Variants in SEMA5A observed in about 807,000 individuals in gnomAD.
SEMA5A encodes semaphorin-5A.
SEMA5A carries 55 observed loss-of-function variants against 135.5 expected under a neutral mutation model. That is an observed-to-expected ratio of 0.41 (90% CI 0.33 to 0.51). The LOEUF (loss-of-function observed/expected upper bound fraction) is 0.51. Ranked by LOEUF, SEMA5A falls within the 20% of genes least tolerant of loss-of-function variation. The pLI, the probability that SEMA5A is intolerant of heterozygous loss-of-function variation, is 0.37. For missense variants in SEMA5A, 1,290 were observed against 1,419.9 expected, an observed-to-expected ratio of 0.91 and a Z score of 1.47; for synonymous variants, 580 against 546.5, an observed-to-expected ratio of 1.06 and a Z score of -0.85.
intron 1 of SEMA5A, among the ~76,000 whole-genome samples, chr5:9,530,568 G>A (rs867677889): frequency 5.1e-4 from 78 of 152,240 alleles, no homozygotes; most frequent in African/African-American, 1.7e-3. Context: ...ACAAAAGGAA[G>A]AAAACAGAAT....
intron 5 of SEMA5A, among the ~76,000 whole-genome samples, chr5:9,291,205 A>T (rs1751057558): frequency 6.6e-6 from 1 of 152,190 alleles, no homozygotes; most frequent in African/African-American, 2.4e-5. Context: ...ATCAATGAGA[A>T]GTGGAGTCAC....
intron 1 of SEMA5A, among the ~76,000 whole-genome samples, chr5:9,460,533 T>A (rs976802855): frequency 6.6e-6 from 1 of 152,116 alleles, no homozygotes; most frequent in Admixed American, 6.6e-5. Flanking sequence ...CTATTAAAGA[T>A]TAAAAAAGTA....
At chr5:9,502,015 A>G (rs1735623165) in intron 1 of SEMA5A, among the ~76,000 whole-genome samples, 1 of 152,228 alleles carries the variant, frequency 6.6e-6, no homozygotes, top group African/African-American at 2.4e-5. Context: ...CCTAGAGACT[A>G]TATTCAAACT....
intron 5 of SEMA5A, among the ~76,000 whole-genome samples, chr5:9,298,740 T>C (rs1231976654): frequency 6.6e-6 from 1 of 152,254 alleles, no homozygotes; most frequent in Admixed American, 6.5e-5. Flanking sequence ...TAGATTAAGG[T>C]TCTTTTTCAA....
At chr5:9,306,439 A>T (rs6867934) in intron 5 of SEMA5A, among the ~76,000 whole-genome samples, 25,787 of 135,398 alleles carry the variant, frequency 0.19, 2,380 homozygotes, top group East Asian at 0.28. Flanking sequence ...AATAATTCAT[A>T]TAGTTCCATA....
rs140776221 is a variant in SEMA5A, at chr5:9,187,878, G to A, written c.1273+2389C>T. ...CTGAGTCCTGAGCTACTCTCAACAC[G>A]GTGTGGGGGTGAGGGTGTTGGGAGC... On this transcript the variant is annotated intron_variant, in intron 11 of 22. Transcript: ENST00000382496. 2.1e-3 allele frequency among the ~76,000 whole-genome samples: 327 copies of A among 152,316 alleles called. 6 individuals are homozygous for A. Among genetic ancestry groups the A allele is most frequent in the African/African-American group, 7.2e-3 (301 of 41,560 alleles).
chr5:9,224,972 G>A, intron 7 of SEMA5A, 85 bp from the exon 8 acceptor site: 2 of 1,294,014 alleles, frequency 1.5e-6, no homozygotes, highest in East Asian at 2.4e-5. Context: ...CATCATCACA[G>A]TGACGCTTGT....
At chr5:9,294,326 C>T (rs1017295066) in intron 5 of SEMA5A, among the ~76,000 whole-genome samples, 1 of 152,192 alleles carries the variant, frequency 6.6e-6, no homozygotes, top group African/African-American at 2.4e-5. Context: ...GACTTGCACA[C>T]AACCATGGGC....
intron 1 of SEMA5A, among the ~76,000 whole-genome samples, chr5:9,508,788 T>A (rs2031482471): frequency 6.6e-6 from 1 of 152,194 alleles, no homozygotes; most frequent in Non-Finnish European, 1.5e-5. Flanking sequence ...ACTACCCATC[T>A]TCTTTGGCAC....
intron 2 of SEMA5A, among the ~76,000 whole-genome samples, chr5:9,425,475 C>T (rs954957671): frequency 3.2e-4 from 48 of 152,208 alleles, no homozygotes; most frequent in African/African-American, 1.1e-3. Flanking sequence ...CAGTGTGTGA[C>T]AGCAACAGTA....
chr5:9,190,775 T>C (rs1745067212), intron 10 of SEMA5A, among the ~76,000 whole-genome samples: 1 of 152,210 alleles, frequency 6.6e-6, no homozygotes, highest in Non-Finnish European at 1.5e-5. Context: ...TAGAAACTCC[T>C]CCTTTCCCGT....
intron 16 of SEMA5A, among the ~76,000 whole-genome samples, chr5:9,077,443 C>T (rs755368219): frequency 3.3e-5 from 5 of 152,102 alleles, no homozygotes; most frequent in Non-Finnish European, 7.4e-5. Context: ...CAATAAAATG[C>T]AATAGAAACG....
At chr5:9,511,211 A>G (rs1736189302) in intron 1 of SEMA5A, 1 of 152,194 alleles carries the variant, frequency 6.6e-6, no homozygotes, top group South Asian at 2.1e-4. Flanking sequence ...ACAGTGCTAC[A>G]TAGTCCTTCT....
intron 1 of SEMA5A, among the ~76,000 whole-genome samples, chr5:9,469,074 T>C (rs1402262270): frequency 2.6e-5 from 4 of 152,148 alleles, no homozygotes; most frequent in Non-Finnish European, 5.9e-5. Flanking sequence ...AGTGGCACAA[T>C]CTCGGCTCAC....
At chr5:9,191,027 A>G (rs536614290) in intron 10 of SEMA5A, among the ~76,000 whole-genome samples, 2 of 152,274 alleles carry the variant, frequency 1.3e-5, no homozygotes, top group East Asian at 1.9e-4. Context: ...ACTGTTTTCT[A>G]CTTGTATTTC....
chr5:9,043,213 C>A, intron 22 of SEMA5A, 197 bp from the exon 23 acceptor site: 1 of 495,234 alleles, frequency 2.0e-6, no homozygotes, highest in Non-Finnish European at 3.5e-6. Context: ...ATAAGGTTGG[C>A]AGTTTGTGAT....
chr5:9,342,793 C>T (rs934664233), intron 3 of SEMA5A, among the ~76,000 whole-genome samples: 8 of 152,160 alleles, frequency 5.3e-5, no homozygotes, highest in African/African-American at 1.9e-4. Flanking sequence ...CTCACACCTG[C>T]CTTATCATAG....
chr5:9,314,661 G>T (rs1752312718), intron 5 of SEMA5A, among the ~76,000 whole-genome samples: 1 of 151,520 alleles, frequency 6.6e-6, no homozygotes. Context: ...AATATTCATA[G>T]AAACCAACAA....
chr5:9,508,291 A>G (rs62342576), intron 1 of SEMA5A, among the ~76,000 whole-genome samples: 5,691 of 152,054 alleles, frequency 0.037, 145 homozygotes, highest in Non-Finnish European at 0.056. Flanking sequence ...AGCCCCCACC[A>G]CCACCGCATC....
Sources: gnomAD v4.1 joint callset for allele counts (sites outside exome capture counted in the v4.1 genomes callset) on GRCh38, gnomAD v4.1.1 for gene constraint, MANE v1.5 for transcripts, NCBI Gene and HGNC (gene_info 2026-07-23, HGNC 2026-07-21) for gene names.